Variants in KISS1R observed in about 807,000 individuals in gnomAD.
KISS1R encodes the protein kiSS-1 receptor.
KISS1R carries 19 observed loss-of-function variants against 22.0 expected under a neutral mutation model. That is an observed-to-expected ratio of 0.86 (90% CI 0.60 to 1.26). KISS1R has a LOEUF of 1.26. KISS1R is among the 50% of genes most tolerant of loss of function. The pLI is 0.00. For synonymous variants in KISS1R, 302 were observed against 283.9 expected (o/e 1.06, Z -0.64); for missense variants, 653 against 581.9 (o/e 1.12, Z -1.26).
At position 920,543 on chromosome 19, in the gene KISS1R, G is replaced by C. The variant is rs781496985; in HGVS notation, c.992G>C (p.Arg331Pro). The change falls in exon 5 of 5, where the codon CGA becomes CCA. Residue 331 changes from arginine to proline, a missense_variant. Physicochemically the swap from Arg to Pro is moderately radical, Grantham distance 103. Transcript: ENST00000234371. ...LLYAFLGSHF[R>P]QAFRRVCPCA... ...TACGCCTTCCTGGGCTCGCACTTCC[G>C]ACAGGCCTTCCGCCGCGTCTGCCCC... 1.9e-6 allele frequency: 3 copies of C among 1,589,640 alleles called. No homozygotes were observed. Among genetic ancestry groups the C allele is most frequent in the African/African-American group, 1.4e-5 (1 of 71,862 alleles).
In KISS1R at chr19:919,572, T is replaced by C; in HGVS notation, c.452T>C (p.Leu151Pro). Residue 151 changes from leucine to proline, a missense_variant, in exon 3 of 5, where the codon CTG becomes CCG. Coordinates refer to ENST00000234371, the MANE Select transcript of KISS1R (RefSeq NM_032551.5). ...GTGACGGTGTTCCCGTTGCGCGCCC[T>C]GCACCGCCGCACGCCCCGCCTGGCG... The part of the protein sequence containing the change: ...WYVTVFPLRA[L>P]HRRTPRLALA... 6.4e-7 allele frequency: 1 copy of C among 1,556,412 alleles called. No homozygotes were observed. The highest frequency in any genetic ancestry group is 8.7e-7 in the Non-Finnish European group (1 of 1,154,188).
At chr19:920,184 C>CTGCGCG in intron 4 of KISS1R, 78 bp downstream of exon 4, 4 of 1,487,562 alleles carry the variant, frequency 2.7e-6, no homozygotes, top group Non-Finnish European at 3.6e-6. Flanking sequence ...GTGGGGGCAT[C>CTGCGCG]TGCGCGGGCA....
chr19:919,577 C>G lies in KISS1R; in HGVS notation c.457C>G (p.Arg153Gly). ...GGTGTTCCCGTTGCGCGCCCTGCAC[C>G]GCCGCACGCCCCGCCTGGCGCTGGC... Reference protein sequence around the residue: ...VTVFPLRALHRRTPRLALAVS... With the variant: ...VTVFPLRALHGRTPRLALAVS... The change falls in exon 3 of 5, where the codon CGC (arginine) becomes GGC (glycine). Residue 153 changes from arginine to glycine, a missense_variant. Transcript: ENST00000234371. 6.4e-7 allele frequency: 1 copy of G among 1,555,634 alleles called. No homozygotes were observed. Among genetic ancestry groups the G allele is most frequent in the Non-Finnish European group, 8.7e-7 (1 of 1,153,702 alleles).
In KISS1R at chr19:920,747, G is replaced by A. The variant is rs866715854; in HGVS notation, c.1196G>A (p.Ter399=). The part of the protein sequence containing the change: ...CVLGEDNAPL[*] ...CTGGGGGAGGACAACGCCCCTCTCT[G>A]AGCGGACCCGGTGGGAATCCGAGCG... Residue 399 remains the stop codon, a stop_retained_variant, in exon 5 of 5, where the codon TGA becomes TAA. Coordinates refer to ENST00000234371, the MANE Select transcript of KISS1R (RefSeq NM_032551.5). The A allele has an allele frequency of 8.6e-6, 11 of 1,283,396 alleles. 1 individual carries two copies. The Middle Eastern group carries it at 1.4e-3, about 164-fold the overall frequency. The allele number at this position is 1,283,396 out of a possible 1,614,324, so 79.5% of individuals were successfully genotyped here. A position where few individuals can be genotyped will look rare whatever the true frequency, so the allele number is the denominator to read the frequency against.
At chr19:918,099 G>C (rs2037074488) in intron 1 of KISS1R, among the ~76,000 whole-genome samples, 2 of 152,046 alleles carry the variant, frequency 1.3e-5, no homozygotes, top group South Asian at 4.2e-4. Flanking sequence ...CTTAGTTTGC[G>C]ACCCCTGCCC....
In KISS1R at chr19:920,301, G is replaced by A. The variant is rs758432324; in HGVS notation, c.750G>A (p.Leu250=). 7 of 1,571,206 alleles carry A rather than the reference G, an allele frequency of 4.5e-6. No individual in the cohort carries two copies. The highest frequency in any genetic ancestry group is 5.1e-6 in the Non-Finnish European group (6 of 1,167,450). ...PADSALQGQV[L]AERAGAVRAK... ...CGGCACCCCCCCAGGGGCAGGTGCT[G>A]GCAGAGCGCGCAGGCGCCGTGCGGG... is the stretch of plus-strand genomic sequence containing the variant. Residue 250 remains leucine (L), a synonymous_variant, in exon 5 of 5, where the codon CTG becomes CTA. Coordinates refer to ENST00000234371, the MANE Select transcript of KISS1R (RefSeq NM_032551.5).
rs547862976 is a variant in KISS1R, at chr19:919,216, G to GCC, written c.370-271_370-270dup. On this transcript the variant is annotated intron_variant, in intron 2 of 4. Coordinates refer to ENST00000234371, the MANE Select transcript of KISS1R (RefSeq NM_032551.5). ...GGCTACTGAGGCCCTGAGGCTTCTT[G>GCC]CCCCGCCTGTCCCTCCATCCCACGC... Among the ~76,000 whole-genome samples the GCC allele has an allele frequency of 4.5e-4, 69 of 151,966 alleles. 4 individuals carry two copies. In the South Asian group the frequency reaches 0.014, roughly 32 times the overall value.
chr19:917,765 C>T lies in KISS1R; in HGVS notation c.244+19C>T. 6.3e-7 allele frequency: 1 copy of T among 1,589,826 alleles called. No homozygotes were observed. Among genetic ancestry groups the T allele is most frequent in the Non-Finnish European group, 8.6e-7 (1 of 1,166,744 alleles). ...TACATCGGTGAGTGCGGGCGCTGCG[C>T]CGCACCTGCTGCCGTCCCGGGGGCT... On this transcript the variant is annotated intron_variant, in intron 1 of 4. Transcript: ENST00000234371.
rs780162417 is a variant in KISS1R at position 919,592 on chromosome 19, C to A, written c.472C>A (p.Leu158Met). The A allele has an allele frequency of 5.8e-6, 9 of 1,554,046 alleles. No individual in the cohort carries two copies. In the South Asian group the frequency reaches 5.9e-5, roughly 10 times the overall value. The change falls in exon 3 of 5, where the codon CTG (leucine) becomes ATG (methionine). Residue 158 changes from leucine (L) to methionine (M), a missense_variant. By Grantham distance (15) the Leu-to-Met change is conservative. Coordinates refer to ENST00000234371, the MANE Select transcript of KISS1R (RefSeq NM_032551.5). ...CGCCCTGCACCGCCGCACGCCCCGC[C>A]TGGCGCTGGCTGTCAGCCTCAGCAT... ...LRALHRRTPR[L>M]ALAVSLSIWV...
In KISS1R at chr19:917,507, A is replaced by G; in HGVS notation, c.5A>G (p.His2Arg). Residue 2 changes from histidine (H) to arginine (R), a missense_variant, in exon 1 of 5, where the codon CAC becomes CGC. Physicochemically the swap from His to Arg is conservative, Grantham distance 29. Coordinates refer to ENST00000234371, the MANE Select transcript of KISS1R (RefSeq NM_032551.5). M[H>R]TVATSGPNAS... Reference sequence around the variant, plus strand: ...GAGGAGGAGGTGCGCGCGGCCATGCACACCGTGGCTACGTCCGGACCCAAC... The same window carrying G: ...GAGGAGGAGGTGCGCGCGGCCATGCGCACCGTGGCTACGTCCGGACCCAAC... 6.7e-7 allele frequency: 1 copy of G among 1,485,158 alleles called. No homozygotes were observed. The highest frequency in any genetic ancestry group is 8.9e-7 in the Non-Finnish European group (1 of 1,123,472). 92.0% of individuals were successfully genotyped at this position (1,485,158 alleles called of 1,614,324 possible).
intron 2 of KISS1R, 65 bp from the exon 3 acceptor site, chr19:919,425 G>T: frequency 6.5e-7 from 1 of 1,532,958 alleles, no homozygotes; most frequent in Admixed American, 2.0e-5. Flanking sequence ...GATCAGCAGG[G>T]CGGGCGGACA....
chr19:918,772 C>T lies in KISS1R; in HGVS notation c.369+104C>T. ...GCACTTGGGGACAGGCGGGAGTGCG[C>T]TCCGCAGTGGGAGGGGAGGGGATCG... On this transcript the variant is annotated intron_variant, in intron 2 of 4. Coordinates refer to ENST00000234371, the MANE Select transcript of KISS1R (RefSeq NM_032551.5). The T allele has an allele frequency of 3.0e-6, 3 of 1,001,070 alleles. No homozygotes were observed. The Admixed American group carries it at 7.9e-5, about 26-fold the overall frequency. The allele number at this position is 1,001,070 out of a possible 1,614,324, so 62.0% of individuals were successfully genotyped here.
At chr19:918,710 G>T in intron 2 of KISS1R, 42 bp downstream of exon 2, 2 of 1,541,274 alleles carry the variant, frequency 1.3e-6, no homozygotes, top group South Asian at 2.4e-5. Flanking sequence ...ACTTGGGGAC[G>T]GGCGGGGGTG....
intron 3 of KISS1R, 86 bp from the exon 4 acceptor site, chr19:919,788 G>T: frequency 6.7e-7 from 1 of 1,494,322 alleles, no homozygotes; most frequent in Admixed American, 2.0e-5. Context: ...GGCCTTTGCA[G>T]GGTGGCTGGG....
At position 917,574 on chromosome 19, in the gene KISS1R, C is replaced by T. The variant is rs747678241; in HGVS notation, c.72C>T (p.Gly24=). The change falls in exon 1 of 5, where the codon GGC becomes GGT. Residue 24 remains glycine, a synonymous_variant. Transcript: ENST00000234371. ...GAPANASGCP[G]CGANASDGPV... ...CGGCCAACGCCTCCGGCTGCCCGGG[C>T]TGTGGCGCCAACGCCTCGGACGGCC... is the stretch of plus-strand genomic sequence containing the variant. 44 of 1,534,748 alleles carry T rather than the reference C, an allele frequency of 2.9e-5. No individual in the cohort carries two copies. The African/African-American group carries it at 5.6e-4, about 19-fold the overall frequency.
chr19:920,245 C>T, intron 4 of KISS1R, 45 bp from the exon 5 acceptor site: 1 of 1,546,062 alleles, frequency 6.5e-7, no homozygotes, highest in Non-Finnish European at 8.7e-7. Flanking sequence ...TGAGCTGAGC[C>T]GGGCCCCAGC....
Position 917,549 on chromosome 19 carries a change from C to A in KISS1R, c.47C>A (p.Pro16Gln), listed in dbSNP as rs756986700. ...TSGPNASWGA[P>Q]ANASGCPGCG... Reference sequence around the variant, plus strand: ...GGACCCAACGCGTCCTGGGGGGCACCGGCCAACGCCTCCGGCTGCCCGGGC... The same window carrying A: ...GGACCCAACGCGTCCTGGGGGGCACAGGCCAACGCCTCCGGCTGCCCGGGC... The change falls in exon 1 of 5, where the codon CCG becomes CAG. Residue 16 changes from proline to glutamine, a missense_variant. Pro to Gln is a moderately conservative substitution (Grantham distance 76). Coordinates refer to ENST00000234371, the MANE Select transcript of KISS1R (RefSeq NM_032551.5). 6.6e-7 allele frequency: 1 copy of A among 1,520,542 alleles called. No homozygotes were observed. 94.2% of individuals were successfully genotyped at this position (1,520,542 alleles called of 1,614,324 possible).
Position 917,493 on chromosome 19 carries a change from G to C in KISS1R, c.-10G>C. On this transcript the variant is annotated 5_prime_UTR_variant, in exon 1 of 5. Coordinates refer to ENST00000234371, the MANE Select transcript of KISS1R (RefSeq NM_032551.5). ...TGGAGGGCGGCCGGGAGGAGGAGGT[G>C]CGCGCGGCCATGCACACCGTGGCTA... 6.9e-7 allele frequency: 1 copy of C among 1,454,678 alleles called. No individual in the cohort carries two copies. Among genetic ancestry groups the C allele is most frequent in the Non-Finnish European group, 9.0e-7 (1 of 1,108,394 alleles). The allele number at this position is 1,454,678 out of a possible 1,614,324, so 90.1% of individuals were successfully genotyped here. A position where few individuals can be genotyped will look rare whatever the true frequency, so the allele number is the denominator to read the frequency against.
At chr19:918,736 G>A in intron 2 of KISS1R, 68 bp downstream of exon 2, 3 of 1,521,678 alleles carry the variant, frequency 2.0e-6, no homozygotes, top group Non-Finnish European at 2.6e-6. Context: ...CGCAGTGGGA[G>A]GGGAGGGGAC....
Sources: allele counts gnomAD v4.1 joint callset (sites outside exome capture counted in the v4.1 genomes callset), GRCh38; gene constraint gnomAD v4.1.1; transcripts MANE v1.5; gene names NCBI Gene and HGNC (gene_info 2026-07-23, HGNC 2026-07-21).